The following MAOA variants were observed in gnomAD, a reference collection of about 807,000 sequenced individuals.
The protein encoded by MAOA is amine oxidase [flavin-containing] A.
MAOA carries 6 observed loss-of-function variants against 42.0 expected under a neutral mutation model. The observed-to-expected ratio is 0.14, with a 90% CI of 0.08 to 0.28. The LOEUF (loss-of-function observed/expected upper bound fraction) is 0.28. MAOA is among the 10% of genes least tolerant of loss of function. The probability of loss-of-function intolerance (pLI) is 1.00; values close to 1 mark genes in which losing one functional copy is unlikely to be tolerated. For missense variants in MAOA, 262 were observed against 422.3 expected (o/e 0.62, Z 3.33); for synonymous variants, 140 against 154.0 (o/e 0.91, Z 0.67).
intron 1 of MAOA, among the ~76,000 whole-genome samples, chrX:43,668,772 C>A (rs184290711): frequency 8.9e-6 from 1 of 111,799 alleles, no homozygotes; most frequent in Non-Finnish European, 1.9e-5. Flanking sequence ...AGTTATAATG[C>A]TTTTTCAGGA....
chrX:43,719,683 GC>G (rs1368863303), intron 5 of MAOA, among the ~76,000 whole-genome samples: 1 of 111,232 alleles, frequency 9.0e-6, no homozygotes, highest in Non-Finnish European at 1.9e-5. Flanking sequence ...AATTGGGGAA[GC>G]GGGGGAATGA....
intron 11 of MAOA, among the ~76,000 whole-genome samples, chrX:43,741,141 A>C (rs1446649017): frequency 1.8e-5 from 2 of 111,792 alleles, no homozygotes; most frequent in Non-Finnish European, 3.8e-5. Flanking sequence ...TGTACTTGAC[A>C]AGATAGACTG....
chrX:43,694,014 A>G (rs1569194453), intron 3 of MAOA, among the ~76,000 whole-genome samples: 3 of 111,574 alleles, frequency 2.7e-5, no homozygotes, highest in Middle Eastern at 4.6e-3. Flanking sequence ...GCAGTTTCCT[A>G]CTGTTTAAAC....
At chrX:43,713,376 T>C (rs1228594643) in intron 5 of MAOA, among the ~76,000 whole-genome samples, 1 of 111,315 alleles carries the variant, frequency 9.0e-6, no homozygotes, top group Non-Finnish European at 1.9e-5. Context: ...AACTAATGCA[T>C]GTGGGTCTTA....
chrX:43,723,047 A>G (rs1050823162), intron 5 of MAOA, among the ~76,000 whole-genome samples: 4 of 111,003 alleles, frequency 3.6e-5, no homozygotes, highest in Non-Finnish European at 5.7e-5. Context: ...TGGTCTATAT[A>G]TATCTGTTTT....
At chrX:43,725,685 T>C (rs1003306213) in intron 5 of MAOA, among the ~76,000 whole-genome samples, 4 of 111,871 alleles carry the variant, frequency 3.6e-5, no homozygotes, top group Admixed American at 2.9e-4. Flanking sequence ...AAGGTTGATA[T>C]TGTTATGTGT....
At chrX:43,714,368 A>AG (rs1433897071) in intron 5 of MAOA, among the ~76,000 whole-genome samples, 1 of 110,684 alleles carries the variant, frequency 9.0e-6, no homozygotes, top group Non-Finnish European at 1.9e-5. Context: ...ACAGGTTCAG[A>AG]GGGGAGAAAA....
chrX:43,677,176 T>C (rs1009530391), intron 1 of MAOA, among the ~76,000 whole-genome samples: 4 of 111,772 alleles, frequency 3.6e-5, no homozygotes, highest in Non-Finnish European at 7.5e-5. Context: ...TGCCTGAGAT[T>C]TATGCCCTGG....
chrX:43,685,359 A>G (rs1231351506), intron 2 of MAOA, among the ~76,000 whole-genome samples: 2 of 111,758 alleles, frequency 1.8e-5, no homozygotes, highest in African/African-American at 3.3e-5. Flanking sequence ...CTTTAGTCTC[A>G]TTGGCTAGAG....
intron 5 of MAOA, among the ~76,000 whole-genome samples, chrX:43,715,459 G>C (rs1462684699): frequency 9.0e-6 from 1 of 110,749 alleles, no homozygotes. Flanking sequence ...AGGGTCAGGG[G>C]TGAGACAGCA....
intron 1 of MAOA, among the ~76,000 whole-genome samples, chrX:43,660,519 G>A (rs1044595597): frequency 4.5e-5 from 5 of 111,107 alleles, no homozygotes; most frequent in Admixed American, 1.9e-4. Context: ...TCACCGCCTC[G>A]TGTCCTCAGG....
rs751694913 is a variant in MAOA, at chrX:43,729,130, CT to C, written c.645+817del. Among the ~76,000 whole-genome samples the C allele has an allele frequency of 9.8e-5, 11 of 112,397 alleles. No homozygotes were observed. The East Asian group carries it at 2.8e-3, about 29-fold the overall frequency. ...CTCTGCCAAGTGAATTATTCTTCTCCTGAGGAGATCACCGGAAATCCCCAAG... is the reference window on the plus strand; with the variant it reads ...CTCTGCCAAGTGAATTATTCTTCTCCGAGGAGATCACCGGAAATCCCCAAG... On this transcript the variant is annotated intron_variant, in intron 6 of 14. Coordinates refer to ENST00000338702, the MANE Select transcript of MAOA (RefSeq NM_000240.4).
At chrX:43,720,296 G>T (rs781268541) in intron 5 of MAOA, among the ~76,000 whole-genome samples, 1 of 109,593 alleles carries the variant, frequency 9.1e-6, no homozygotes, top group Non-Finnish European at 1.9e-5. Context: ...CCACAGGTGC[G>T]GTGGCTGGGG....
chrX:43,700,544 C>T (rs1420039309), intron 3 of MAOA, among the ~76,000 whole-genome samples: 5 of 111,666 alleles, frequency 4.5e-5, no homozygotes, highest in Non-Finnish European at 9.4e-5. Context: ...TCTCTTGCAC[C>T]CTGAGCTGTA....
At chrX:43,690,744 GC>G (rs2033526078) in intron 2 of MAOA, among the ~76,000 whole-genome samples, 1 of 103,605 alleles carries the variant, frequency 9.7e-6, no homozygotes, top group Admixed American at 1.0e-4. Context: ...ATAAAGATAA[GC>G]TTTTTTTTTC....
chrX:43,715,328 G>A (rs947804570), intron 5 of MAOA, among the ~76,000 whole-genome samples: 4 of 110,167 alleles, frequency 3.6e-5, no homozygotes, highest in Non-Finnish European at 5.7e-5. Context: ...GAGGGGTAGC[G>A]CAGAGAGAGG....
intron 2 of MAOA, among the ~76,000 whole-genome samples, chrX:43,691,759 A>G (rs1267582543): frequency 1.8e-5 from 2 of 111,577 alleles, no homozygotes; most frequent in Non-Finnish European, 3.8e-5. Flanking sequence ...ACTGTAATGC[A>G]AAAAACAGAC....
intron 3 of MAOA, among the ~76,000 whole-genome samples, chrX:43,706,124 G>T (rs1315413429): frequency 8.9e-6 from 1 of 112,163 alleles, no homozygotes; most frequent in African/African-American, 3.2e-5. Context: ...TCAGGGTAAA[G>T]AAAATGTTCT....
At chrX:43,695,074 G>A (rs1393751656) in intron 3 of MAOA, among the ~76,000 whole-genome samples, 2 of 111,961 alleles carry the variant, frequency 1.8e-5, no homozygotes, top group Non-Finnish European at 3.8e-5. Flanking sequence ...ACTTGACAAG[G>A]CTATAAAACT....
Sources: allele counts gnomAD v4.1 joint callset (sites outside exome capture counted in the v4.1 genomes callset), GRCh38; gene constraint gnomAD v4.1.1; transcripts MANE v1.5; gene names NCBI Gene and HGNC (gene_info 2026-07-23, HGNC 2026-07-21).